The following RGS7 variants were observed in gnomAD, a reference collection of about 807,000 sequenced individuals.
The protein encoded by RGS7 is regulator of G protein signaling 7, also known as regulator of G-protein signaling 7.
In RGS7, 27 loss-of-function variants were observed where a neutral mutation model predicts 81.1. That is an observed-to-expected ratio of 0.33 (90% confidence interval 0.25 to 0.46). The LOEUF (loss-of-function observed/expected upper bound fraction) is 0.46, where lower values mean the gene tolerates loss of function less well. Ranked by LOEUF, RGS7 falls within the 20% of genes least tolerant of loss-of-function variation. The pLI is 1.00. For synonymous variants in RGS7, 208 were observed against 207.7 expected (o/e 1.00, Z -0.01); for missense variants, 396 against 607.4 (o/e 0.65, Z 3.66).
At chr1:241,185,991 T>C (rs2072061742) in intron 2 of RGS7, among the ~76,000 whole-genome samples, 1 of 152,004 alleles carries the variant, frequency 6.6e-6, no homozygotes, top group Non-Finnish European at 1.5e-5. Flanking sequence ...TCAGTAAAAT[T>C]GAAAGCAAGA....
chr1:241,200,392 T>C (rs2073411080), intron 2 of RGS7, among the ~76,000 whole-genome samples: 1 of 152,106 alleles, frequency 6.6e-6, no homozygotes, highest in Non-Finnish European at 1.5e-5. Flanking sequence ...ACTAAACACG[T>C]CCATGTAACC....
At chr1:241,257,549 G>A (rs1454495390) in intron 2 of RGS7, among the ~76,000 whole-genome samples, 5 of 152,146 alleles carry the variant, frequency 3.3e-5, no homozygotes, top group African/African-American at 7.2e-5. Flanking sequence ...TTGCAACACT[G>A]TGCCCAAAAT....
chr1:241,311,815 T>C (rs562129460), intron 2 of RGS7, among the ~76,000 whole-genome samples: 48 of 152,360 alleles, frequency 3.2e-4, no homozygotes, highest in Admixed American at 1.7e-3. Flanking sequence ...TCATGATATG[T>C]GTCCCCAAAT....
chr1:241,332,405 A>G (rs2082022425), intron 2 of RGS7, among the ~76,000 whole-genome samples: 1 of 152,210 alleles, frequency 6.6e-6, no homozygotes, highest in Non-Finnish European at 1.5e-5. Flanking sequence ...ACCATGGGAA[A>G]GAATGCCAGA....
At chr1:241,302,866 T>TTTTC (rs35027277) in intron 2 of RGS7, among the ~76,000 whole-genome samples, 41,434 of 151,144 alleles carry the variant, frequency 0.27, 5,800 homozygotes, top group Middle Eastern at 0.38. Context: ...ACAGGCATTC[T>TTTTC]TTTCTTTCTT....
intron 6 of RGS7, among the ~76,000 whole-genome samples, chr1:240,884,753 A>T (rs1667056129): frequency 6.6e-6 from 1 of 152,188 alleles, no homozygotes; most frequent in East Asian, 1.9e-4. Context: ...ACAAAATTCA[A>T]CTTAAGATGG....
chr1:240,854,150 G>T (rs905942634), intron 9 of RGS7, among the ~76,000 whole-genome samples: 1 of 151,964 alleles, frequency 6.6e-6, no homozygotes, highest in African/African-American at 2.4e-5. Context: ...TCACACCCTG[G>T]TCTTAAATAC....
intron 18 of RGS7, among the ~76,000 whole-genome samples, chr1:240,787,076 C>T (rs1351313732): frequency 1.3e-5 from 2 of 152,098 alleles, no homozygotes; most frequent in Non-Finnish European, 2.9e-5. Context: ...CACCTATTTT[C>T]TTAACCCCTT....
At chr1:241,273,837 T>C (rs1426010269) in intron 2 of RGS7, among the ~76,000 whole-genome samples, 1 of 152,212 alleles carries the variant, frequency 6.6e-6, no homozygotes, top group East Asian at 1.9e-4. Flanking sequence ...GCTGCTCTGA[T>C]TCCATCATTT....
chr1:241,312,581 C>T (rs184794071), intron 2 of RGS7, among the ~76,000 whole-genome samples: 2 of 152,278 alleles, frequency 1.3e-5, no homozygotes, highest in African/African-American at 4.8e-5. Context: ...CCAAAACCCA[C>T]ACCCCTTTAA....
intron 3 of RGS7, among the ~76,000 whole-genome samples, chr1:241,025,187 C>T (rs1488299551): frequency 6.6e-6 from 1 of 152,166 alleles, no homozygotes; most frequent in African/African-American, 2.4e-5. Context: ...AGGATACTAG[C>T]TTTCAAGGAA....
intron 2 of RGS7, among the ~76,000 whole-genome samples, chr1:241,249,514 T>C (rs1276959725): frequency 6.6e-6 from 1 of 152,200 alleles, no homozygotes; most frequent in Admixed American, 6.5e-5. Context: ...TTCCTTAACT[T>C]TGACGTCTGT....
chr1:240,803,593 A>G (rs1410945434), intron 15 of RGS7, among the ~76,000 whole-genome samples: 1 of 152,108 alleles, frequency 6.6e-6, no homozygotes, highest in Non-Finnish European at 1.5e-5. Flanking sequence ...GTGACAGATT[A>G]GGTAAATAGT....
chr1:240,820,542 C>A (rs2103141564), intron 10 of RGS7, among the ~76,000 whole-genome samples: 1 of 151,970 alleles, frequency 6.6e-6, no homozygotes, highest in East Asian at 1.9e-4. Context: ...AATCCTCAAC[C>A]CCTAATGTGA....
chr1:240,894,108 A>C (rs35308041), intron 6 of RGS7, among the ~76,000 whole-genome samples: 19,441 of 152,196 alleles, frequency 0.13, 1,354 homozygotes, highest in Middle Eastern at 0.18. Context: ...ATTTTCTCTC[A>C]GTGCCTTGAA....
At position 240,971,799 on chromosome 1, in the gene RGS7, C is replaced by T. The variant is rs78519775; in HGVS notation, c.226+11280G>A. 1.3e-3 allele frequency among the ~76,000 whole-genome samples: 194 copies of T among 152,174 alleles called. 2 individuals carry two copies. Among genetic ancestry groups the T allele is most frequent in the African/African-American group, 4.4e-3 (183 of 41,518 alleles). On this transcript the variant is annotated intron_variant, in intron 4 of 18. Coordinates refer to ENST00000440928, the MANE Select transcript of RGS7 (RefSeq NM_001364886.1). ...ATATAGTGGTCTACTAGCACTGGAA[C>T]GATAATAAAGCGGTCATTTTTATTG...
chr1:241,306,736 C>T (rs1403960405), intron 2 of RGS7, among the ~76,000 whole-genome samples: 1 of 152,044 alleles, frequency 6.6e-6, no homozygotes, highest in Non-Finnish European at 1.5e-5. Flanking sequence ...CACTTATGCA[C>T]ACGTCCCCAC....
At chr1:241,154,293 A>C (rs1190838457) in intron 2 of RGS7, among the ~76,000 whole-genome samples, 1 of 152,138 alleles carries the variant, frequency 6.6e-6, no homozygotes, top group Non-Finnish European at 1.5e-5. Flanking sequence ...GCAAGGAGAC[A>C]AAGAGCCCCA....
At chr1:240,836,670 G>A (rs1284640434) in intron 9 of RGS7, among the ~76,000 whole-genome samples, 3 of 152,226 alleles carry the variant, frequency 2.0e-5, no homozygotes, top group African/African-American at 4.8e-5. Context: ...TCTTTATGCA[G>A]TCTCTATGAA....
Sources: allele counts gnomAD v4.1 joint callset (sites outside exome capture counted in the v4.1 genomes callset), GRCh38; gene constraint gnomAD v4.1.1; transcripts MANE v1.5; gene names NCBI Gene and HGNC (gene_info 2026-07-23, HGNC 2026-07-21).